Variants in BMPR1B observed in about 807,000 individuals in gnomAD.
BMPR1B encodes the protein bone morphogenetic protein receptor type-1B.
Under a neutral mutation model 59.1 loss-of-function variants are expected in BMPR1B, and 12 were observed. The observed-to-expected ratio is 0.20, with a 90% CI of 0.13 to 0.33. The LOEUF (loss-of-function observed/expected upper bound fraction) is 0.33, where lower values mean the gene tolerates loss of function less well. BMPR1B is among the 10% of genes least tolerant of loss of function. The pLI, the probability that BMPR1B is intolerant of heterozygous loss-of-function variation, is 1.00. For synonymous variants in BMPR1B, 237 were observed against 207.3 expected (o/e 1.14, Z -1.23); for missense variants, 550 against 610.9 (o/e 0.90, Z 1.05).
At chr4:94,808,545 A>G (rs1016161312) in intron 1 of BMPR1B, among the ~76,000 whole-genome samples, 35 of 152,106 alleles carry the variant, frequency 2.3e-4, no homozygotes, top group African/African-American at 8.0e-4. Flanking sequence ...AGCTTTTTGT[A>G]TGGTTATGGT....
chr4:94,902,863 T>C (rs368295411), intron 2 of BMPR1B, among the ~76,000 whole-genome samples: 1 of 152,126 alleles, frequency 6.6e-6, no homozygotes, highest in East Asian at 1.9e-4. Context: ...TTTTCTTTGT[T>C]TTGCTTATTC....
Position 95,115,718 on chromosome 4 carries a change from G to A in BMPR1B, c.280G>A (p.Glu94Lys), listed in dbSNP as rs200886063. The change falls in exon 6 of 13, where the codon GAA (glutamate) becomes AAA (lysine). Residue 94 changes from glutamate to lysine, a missense_variant. This residue lies in a region of BMPR1B where 24 missense variants were observed against 20.3 expected (regional missense o/e 1.18). Transcript: ENST00000515059. ...TPIPHQRRSI[E>K]CCTERNECNK... is the part of the protein sequence containing the mutation. ...CATTCCTCATCAAAGAAGATCAATT[G>A]AATGCTGCACAGAAAGGAACGAATG... is the stretch of plus-strand genomic sequence containing the variant. The A allele has an allele frequency of 2.0e-5, 32 of 1,613,592 alleles. No individual in the cohort carries two copies. The highest frequency in any genetic ancestry group is 1.6e-4 in the Middle Eastern group (1 of 6,080).
intron 1 of BMPR1B, among the ~76,000 whole-genome samples, chr4:94,795,306 A>G (rs1292246369): frequency 6.7e-6 from 1 of 148,952 alleles, no homozygotes; most frequent in Non-Finnish European, 1.5e-5. Context: ...GGCTCTGTTT[A>G]TATGCTGGAT....
chr4:94,966,400 T>C (rs2149071640), intron 2 of BMPR1B, among the ~76,000 whole-genome samples: 1 of 152,230 alleles, frequency 6.6e-6, no homozygotes, highest in South Asian at 2.1e-4. Flanking sequence ...AAAAATAGCA[T>C]CAGGAATAAT....
At chr4:94,828,754 C>A (rs1724470676) in intron 1 of BMPR1B, among the ~76,000 whole-genome samples, 1 of 152,018 alleles carries the variant, frequency 6.6e-6, no homozygotes, top group Admixed American at 6.6e-5. Context: ...CCACCCCAAA[C>A]CTATTGAATT....
intron 3 of BMPR1B, among the ~76,000 whole-genome samples, chr4:95,090,952 T>G (rs1729931554): frequency 6.6e-6 from 1 of 152,132 alleles, no homozygotes; most frequent in Non-Finnish European, 1.5e-5. Context: ...TTCCAAATTT[T>G]AAAAGGAATT....
intron 1 of BMPR1B, among the ~76,000 whole-genome samples, chr4:94,833,850 G>T (rs1420112646): frequency 1.3e-5 from 2 of 152,040 alleles, no homozygotes; most frequent in Non-Finnish European, 2.9e-5. Context: ...GCATACTTGG[G>T]TATTACACAT....
intron 10 of BMPR1B, among the ~76,000 whole-genome samples, chr4:95,140,861 T>C (rs1330411187): frequency 6.6e-6 from 1 of 152,170 alleles, no homozygotes; most frequent in Admixed American, 6.5e-5. Flanking sequence ...AGTGAGTATC[T>C]ATTATATTAT....
chr4:95,004,226 C>T (rs1042690070), intron 3 of BMPR1B, among the ~76,000 whole-genome samples: 1 of 152,034 alleles, frequency 6.6e-6, no homozygotes, highest in Admixed American at 6.6e-5. Context: ...ATATTTTGTT[C>T]TGTTTTCCTC....
At chr4:94,777,130 A>G (rs936804482) in intron 1 of BMPR1B, among the ~76,000 whole-genome samples, 6 of 152,146 alleles carry the variant, frequency 3.9e-5, no homozygotes, top group Non-Finnish European at 8.8e-5. Context: ...TAATATTTAT[A>G]TGAAAGCTTT....
chr4:95,111,008 A>G (rs1229771734), intron 4 of BMPR1B, among the ~76,000 whole-genome samples: 1 of 152,188 alleles, frequency 6.6e-6, no homozygotes, highest in Non-Finnish European at 1.5e-5. Context: ...AGAAGAAAAG[A>G]TGTTCTTAAG....
At chr4:95,142,559 T>G (rs926849701) in intron 10 of BMPR1B, among the ~76,000 whole-genome samples, 5 of 152,042 alleles carry the variant, frequency 3.3e-5, no homozygotes, top group Non-Finnish European at 7.4e-5. Context: ...TCTATTACGT[T>G]TTTTTACCTT....
At chr4:94,954,164 G>C (rs12642975) in intron 2 of BMPR1B, among the ~76,000 whole-genome samples, 70,459 of 151,956 alleles carry the variant, frequency 0.46, 16,802 homozygotes, top group South Asian at 0.6. Context: ...TGTCAGATGG[G>C]AGATGAAGTG....
chr4:94,773,910 G>T (rs888856457), intron 1 of BMPR1B, among the ~76,000 whole-genome samples: 5 of 152,112 alleles, frequency 3.3e-5, no homozygotes, highest in African/African-American at 1.2e-4. Flanking sequence ...GTTAATGCCT[G>T]TTGTATTCTT....
intron 3 of BMPR1B, among the ~76,000 whole-genome samples, chr4:95,018,097 T>G (rs1723712247): frequency 6.6e-6 from 1 of 152,192 alleles, no homozygotes; most frequent in Non-Finnish European, 1.5e-5. Flanking sequence ...ATGTATAGGT[T>G]AAACTGAAAT....
Position 95,157,257 on chromosome 4 carries a change from G to A in BMPR1B, c.*2584G>A, listed in dbSNP as rs1735489458. The A allele has an allele frequency of 6.6e-6, 1 of 152,030 alleles. No homozygotes were observed. Among genetic ancestry groups the A allele is most frequent in the South Asian group, 2.1e-4 (1 of 4,820 alleles). 9.4% of individuals were successfully genotyped at this position (152,030 alleles called of 1,614,324 possible). On this transcript the variant is annotated 3_prime_UTR_variant, in exon 13 of 13. Transcript: ENST00000515059. ...AGATACTTAAAAAGACCCACTTAGCGATTATAGTTGCTCAATGAAACAAGA... is the reference window on the plus strand; with the variant it reads ...AGATACTTAAAAAGACCCACTTAGCAATTATAGTTGCTCAATGAAACAAGA...
chr4:95,003,347 C>T (rs1459174636), intron 3 of BMPR1B, among the ~76,000 whole-genome samples: 2 of 151,920 alleles, frequency 1.3e-5, no homozygotes, highest in Non-Finnish European at 1.5e-5. Flanking sequence ...ATTCTTGTGC[C>T]ACAAATTTAA....
chr4:94,851,507 G>A (rs1179266802), intron 1 of BMPR1B, among the ~76,000 whole-genome samples: 3 of 152,072 alleles, frequency 2.0e-5, no homozygotes, highest in Admixed American at 6.6e-5. Flanking sequence ...TTGGAGAAAT[G>A]TTGGCTATTA....
chr4:94,790,927 A>G (rs539386087), intron 1 of BMPR1B, among the ~76,000 whole-genome samples: 22 of 152,030 alleles, frequency 1.4e-4, no homozygotes, highest in Non-Finnish European at 2.2e-4. Context: ...AGCTTTTTTG[A>G]TAGTTTTATT....
Sources: allele counts gnomAD v4.1 joint callset (sites outside exome capture counted in the v4.1 genomes callset), GRCh38; gene constraint gnomAD v4.1.1; regional missense constraint gnomAD v4.1.1; transcripts MANE v1.5; gene names NCBI Gene and HGNC (gene_info 2026-07-23, HGNC 2026-07-21).